The following DAPP1 variants were observed in gnomAD, a reference collection of about 807,000 sequenced individuals.
DAPP1 encodes the protein dual adaptor of phosphotyrosine and 3-phosphoinositides 1.
Under a neutral mutation model 41.5 loss-of-function variants are expected in DAPP1, and 20 were observed. The observed-to-expected ratio is 0.48, with a 90% CI of 0.34 to 0.70. The LOEUF (loss-of-function observed/expected upper bound fraction) is 0.70. Among genes scored for constraint, DAPP1 ranks in the 30% least tolerant of loss-of-function variants. The probability of loss-of-function intolerance (pLI) is 0.01; values close to 1 mark genes in which losing one functional copy is unlikely to be tolerated. For missense variants in DAPP1, 233 were observed against 333.4 expected (o/e 0.70, Z 2.35); for synonymous variants, 113 against 116.2 (o/e 0.97, Z 0.18).
intron 4 of DAPP1, among the ~76,000 whole-genome samples, chr4:99,855,748 T>G (rs1724024051): frequency 6.6e-6 from 1 of 152,342 alleles, no homozygotes; most frequent in African/African-American, 2.4e-5. Flanking sequence ...CTCTTGTCCC[T>G]TATTGAACAC....
chr4:99,869,149 C>T lies in DAPP1; in HGVS notation c.*964C>T, dbSNP rs1438285201. On this transcript the variant is annotated 3_prime_UTR_variant, in exon 9 of 9. Transcript: ENST00000512369. ...GGCCCAAGAGATGTAAGAAAAATCT[C>T]GCATTGCTCCCTAAGCACCCTGGGC... 3 of 152,278 alleles carry T rather than the reference C, an allele frequency of 2.0e-5. No homozygotes were observed. The highest frequency in any genetic ancestry group is 1.3e-4 in the Admixed American group (2 of 15,288). The allele number at this position is 152,278 out of a possible 1,614,324, so 9.4% of individuals were successfully genotyped here.
intron 8 of DAPP1, 47 bp downstream of exon 8, chr4:99,866,168 G>A: frequency 3.0e-6 from 3 of 1,010,276 alleles, no homozygotes; most frequent in Non-Finnish European, 3.1e-6. Flanking sequence ...GAAATAACAT[G>A]TTGATGATTT....
At chr4:99,865,596 T>C (rs1724394783) in intron 7 of DAPP1, 2 of 152,100 alleles carry the variant, frequency 1.3e-5, no homozygotes, top group Admixed American at 1.3e-4. Context: ...CTGTCTTGCC[T>C]ATTCTTTGGA....
At chr4:99,830,155 G>A (rs895798739) in intron 1 of DAPP1, among the ~76,000 whole-genome samples, 7 of 152,174 alleles carry the variant, frequency 4.6e-5, no homozygotes, top group Admixed American at 1.3e-4. Context: ...GGCCAAGGCC[G>A]GGAGATGACC....
chr4:99,851,233 G>A (rs1723846512), intron 3 of DAPP1, among the ~76,000 whole-genome samples: 1 of 152,196 alleles, frequency 6.6e-6, no homozygotes, highest in African/African-American at 2.4e-5. Flanking sequence ...GTTCTTATGG[G>A]AAGATCACAT....
chr4:99,853,183 C>A, intron 3 of DAPP1, 35 bp from the exon 4 acceptor site: 1 of 1,609,900 alleles, frequency 6.2e-7, no homozygotes, highest in Non-Finnish European at 8.5e-7. Flanking sequence ...CTTCTGGGAA[C>A]ACTGTTCGAT....
chr4:99,866,214 C>A, intron 8 of DAPP1, 93 bp downstream of exon 8: 2 of 725,402 alleles, frequency 2.8e-6, no homozygotes, highest in South Asian at 1.7e-5. Context: ...AGACTAGACC[C>A]AAGAATCAAA....
At chr4:99,833,528 T>C (rs1427801644) in intron 1 of DAPP1, among the ~76,000 whole-genome samples, 1 of 152,238 alleles carries the variant, frequency 6.6e-6, no homozygotes, top group Non-Finnish European at 1.5e-5. Context: ...CAGGGATGTC[T>C]CAGTGGATAT....
chr4:99,826,876 TATA>T (rs1392662668), intron 1 of DAPP1, among the ~76,000 whole-genome samples: 1 of 152,238 alleles, frequency 6.6e-6, no homozygotes, highest in Non-Finnish European at 1.5e-5. Flanking sequence ...CTTCCTATGC[TATA>T]ATATTTACTG....
At chr4:99,829,110 G>GT (rs149305446) in intron 1 of DAPP1, among the ~76,000 whole-genome samples, 3,447 of 151,814 alleles carry the variant, frequency 0.023, 51 homozygotes, top group Middle Eastern at 0.034. Flanking sequence ...AGCAAATCTA[G>GT]TTTTTTTTCT....
At chr4:99,851,118 C>T (rs1242367634) in intron 3 of DAPP1, among the ~76,000 whole-genome samples, 1 of 152,184 alleles carries the variant, frequency 6.6e-6, no homozygotes, top group Non-Finnish European at 1.5e-5. Context: ...ACTGTGTTCA[C>T]AGAGCCCCTG....
chr4:99,847,510 G>T (rs1723705464), intron 3 of DAPP1, among the ~76,000 whole-genome samples: 1 of 152,220 alleles, frequency 6.6e-6, no homozygotes, highest in African/African-American at 2.4e-5. Flanking sequence ...AAGCATGGCT[G>T]AAACCAGGTT....
In DAPP1 at chr4:99,868,946, G is replaced by A. The variant is rs1379608113; in HGVS notation, c.*761G>A. The A allele has an allele frequency of 6.6e-6, 1 of 152,086 alleles. No homozygotes were observed. The highest frequency in any genetic ancestry group is 1.5e-5 in the Non-Finnish European group (1 of 68,016). 9.4% of individuals were successfully genotyped at this position (152,086 alleles called of 1,614,324 possible). ...GAGAAAACATAAATTGAGAAAGGGTGATAAAGTAATAGATAACTTTTAGTT... is the reference window on the plus strand; with the variant it reads ...GAGAAAACATAAATTGAGAAAGGGTAATAAAGTAATAGATAACTTTTAGTT... On this transcript the variant is annotated 3_prime_UTR_variant, in exon 9 of 9. Coordinates refer to ENST00000512369, the MANE Select transcript of DAPP1 (RefSeq NM_014395.3).
chr4:99,861,339 C>T (rs926278828), intron 4 of DAPP1, among the ~76,000 whole-genome samples: 3 of 152,090 alleles, frequency 2.0e-5, no homozygotes, highest in Non-Finnish European at 4.4e-5. Context: ...GAAATGATGT[C>T]GTTTATTGTT....
Position 99,817,073 on chromosome 4 carries a change from C to T in DAPP1, c.101+59C>T. 5 of 1,270,198 alleles carry T rather than the reference C, an allele frequency of 3.9e-6. No homozygotes were observed. In the South Asian group the frequency reaches 6.6e-5, roughly 17 times the overall value. The allele number at this position is 1,270,198 out of a possible 1,614,324, so 78.7% of individuals were successfully genotyped here. A position where few individuals can be genotyped will look rare whatever the true frequency, so the allele number is the denominator to read the frequency against. ...TGGGTGGACATTGACTCCGCACTCC[C>T]ACCTGCATGCTTTGATTAATGACTA... On this transcript the variant is annotated intron_variant, in intron 1 of 8. Coordinates refer to ENST00000512369, the MANE Select transcript of DAPP1 (RefSeq NM_014395.3).
At position 99,824,229 on chromosome 4, in the gene DAPP1, G is replaced by T. The variant is rs546703627; in HGVS notation, c.101+7215G>T. Among the ~76,000 whole-genome samples the T allele has an allele frequency of 3.3e-5, 5 of 152,290 alleles. No individual in the cohort carries two copies. The East Asian group carries it at 7.7e-4, about 24-fold the overall frequency. On this transcript the variant is annotated intron_variant, in intron 1 of 8. Transcript: ENST00000512369. ...GTGAACTCCTTAGGAGCAGGACAGT[G>T]GTTTATTCATCTTTGCCTTCTCCAT...
At chr4:99,838,663 G>C (rs750442129) in intron 2 of DAPP1, among the ~76,000 whole-genome samples, 7 of 152,198 alleles carry the variant, frequency 4.6e-5, no homozygotes, top group African/African-American at 1.7e-4. Flanking sequence ...AGGCAGTAAT[G>C]CTTGCTCACC....
intron 3 of DAPP1, among the ~76,000 whole-genome samples, chr4:99,851,798 C>T (rs1429088065): frequency 2.6e-5 from 4 of 151,942 alleles, no homozygotes; most frequent in Non-Finnish European, 5.9e-5. Context: ...CATGATCCAC[C>T]CACCTCAGCC....
intron 3 of DAPP1, among the ~76,000 whole-genome samples, chr4:99,845,115 C>A (rs1350621107): frequency 6.6e-6 from 1 of 152,224 alleles, no homozygotes; most frequent in African/African-American, 2.4e-5. Context: ...TATTTCATCT[C>A]AGCCACCCAC....
Sources: gnomAD v4.1 joint callset for allele counts (sites outside exome capture counted in the v4.1 genomes callset) on GRCh38, gnomAD v4.1.1 for gene constraint, MANE v1.5 for transcripts, NCBI Gene and HGNC (gene_info 2026-07-23, HGNC 2026-07-21) for gene names.